The following DPF3 variants were observed in gnomAD, a reference collection of about 807,000 sequenced individuals.
DPF3 encodes the protein double PHD fingers 3, also known as zinc finger protein DPF3.
In DPF3, 18 loss-of-function variants were observed where a neutral mutation model predicts 56.8. That is an observed-to-expected ratio of 0.32 (90% confidence interval 0.22 to 0.47). DPF3 has a LOEUF of 0.47. DPF3 is among the 20% of genes least tolerant of loss of function. The pLI is 1.00. For missense variants in DPF3, 403 were observed against 488.8 expected (o/e 0.82, Z 1.65); for synonymous variants, 188 against 180.2 (o/e 1.04, Z -0.35).
At chr14:72,627,501 G>A (rs61996614) in intron 9 of DPF3, among the ~76,000 whole-genome samples, 29,887 of 151,856 alleles carry the variant, frequency 0.2, 3,251 homozygotes, top group African/African-American at 0.29. Flanking sequence ...TTCTATCTCA[G>A]CTGGTCTATT....
chr14:72,660,978 G>A, intron 8 of DPF3: 1 of 813,812 alleles, frequency 1.2e-6, no homozygotes, highest in Non-Finnish European at 1.5e-6. Context: ...CCTGCCGCAT[G>A]ACGGCGTGAA....
chr14:72,803,414 A>G (rs1417805362), intron 1 of DPF3, among the ~76,000 whole-genome samples: 1 of 152,258 alleles, frequency 6.6e-6, no homozygotes, highest in East Asian at 1.9e-4. Context: ...AGGGAGAAAC[A>G]AGAAACAGAT....
intron 1 of DPF3, among the ~76,000 whole-genome samples, chr14:72,883,665 C>T (rs1405232722): frequency 2.6e-5 from 4 of 152,288 alleles, no homozygotes; most frequent in Non-Finnish European, 2.9e-5. Flanking sequence ...TGGTGGCTTA[C>T]GCCTGTAATC....
intron 8 of DPF3, among the ~76,000 whole-genome samples, chr14:72,666,344 T>G (rs975603001): frequency 6.6e-6 from 1 of 152,202 alleles, no homozygotes; most frequent in Non-Finnish European, 1.5e-5. Flanking sequence ...TTTCTGTTGT[T>G]TCAGTTTTTT....
In DPF3 at chr14:72,744,276, C is replaced by T. The variant is rs1229708130; in HGVS notation, c.301+8988G>A. Among the ~76,000 whole-genome samples, 3 of 152,112 alleles carry T rather than the reference C, an allele frequency of 2.0e-5. No individual in the cohort carries two copies. The East Asian group carries it at 5.8e-4, about 29-fold the overall frequency. ...TGACTCGATGTCAGCCAAGACCCAG[C>T]TCCCCACTTTTTTTGAGCCAGGGCC... is the stretch of plus-strand genomic sequence containing the variant. On this transcript the variant is annotated intron_variant, in intron 3 of 10. Coordinates refer to ENST00000556509, the MANE Select transcript of DPF3 (RefSeq NM_001280542.3).
chr14:72,665,978 T>A (rs925748333), intron 8 of DPF3, among the ~76,000 whole-genome samples: 2 of 152,234 alleles, frequency 1.3e-5, no homozygotes. Context: ...TAATTGCCAA[T>A]GTTTTTTATC....
At chr14:72,646,493 C>T (rs1885729278) in intron 8 of DPF3, among the ~76,000 whole-genome samples, 1 of 152,186 alleles carries the variant, frequency 6.6e-6, no homozygotes. Flanking sequence ...GACAGGACTC[C>T]AAGGCTGGAA....
Position 72,666,471 on chromosome 14 carries a change from T to C in DPF3, c.871+7769A>G, listed in dbSNP as rs118173193. Among the ~76,000 whole-genome samples the C allele has an allele frequency of 7.0e-3, 1,067 of 152,344 alleles. 6 individuals are homozygous for C. Among genetic ancestry groups the C allele is most frequent in the Non-Finnish European group, 9.9e-3 (674 of 68,024 alleles). ...CAAAGATGATCTTTGGGGAAGTCAG[T>C]ATAGACTTAGGAAAGATTATTAGAA... On this transcript the variant is annotated intron_variant, in intron 8 of 10. Transcript: ENST00000556509.
At chr14:72,769,173 C>T (rs761873721) in intron 2 of DPF3, among the ~76,000 whole-genome samples, 5 of 152,090 alleles carry the variant, frequency 3.3e-5, no homozygotes, top group Non-Finnish European at 7.4e-5. Flanking sequence ...TAGTTCTAGT[C>T]ACTGATAAGG....
chr14:72,873,244 C>T (rs1467497188), intron 1 of DPF3, among the ~76,000 whole-genome samples: 2 of 151,720 alleles, frequency 1.3e-5, no homozygotes, highest in African/African-American at 4.8e-5. Context: ...CAAACAACCC[C>T]ATCAACAAGT....
At chr14:72,828,832 G>A (rs543746710) in intron 1 of DPF3, among the ~76,000 whole-genome samples, 1 of 152,308 alleles carries the variant, frequency 6.6e-6, no homozygotes, top group East Asian at 1.9e-4. Context: ...TTGTGTTTCA[G>A]CAAGATTACC....
chr14:72,686,833 G>A (rs992294789), intron 7 of DPF3, among the ~76,000 whole-genome samples: 1 of 152,230 alleles, frequency 6.6e-6, no homozygotes, highest in African/African-American at 2.4e-5. Flanking sequence ...GCAGTTGGCT[G>A]TGTAGGCTTT....
chr14:72,756,883 AG>A (rs1890835678), intron 2 of DPF3, among the ~76,000 whole-genome samples: 3 of 127,300 alleles, frequency 2.4e-5, no homozygotes, highest in South Asian at 5.3e-4. Context: ...GAAGGAAAGA[AG>A]GAAAGAAAGA....
At chr14:72,873,277 C>T (rs1258397120) in intron 1 of DPF3, among the ~76,000 whole-genome samples, 2 of 152,346 alleles carry the variant, frequency 1.3e-5, no homozygotes, top group African/African-American at 2.4e-5. Flanking sequence ...TAAACAGACA[C>T]TTCTCAAAAG....
intron 1 of DPF3, among the ~76,000 whole-genome samples, chr14:72,891,029 G>A (rs111347383): frequency 0.011 from 1,693 of 152,294 alleles, 29 homozygotes; most frequent in African/African-American, 0.039. Flanking sequence ...TAAGAGAGGA[G>A]ATGTGGCTTC....
intron 6 of DPF3, among the ~76,000 whole-genome samples, chr14:72,713,882 C>G (rs1458038725): frequency 6.6e-6 from 1 of 152,094 alleles, no homozygotes; most frequent in African/African-American, 2.4e-5. Context: ...GTTTCTGAAG[C>G]AAGCAAGAAA....
At chr14:72,668,560 C>A (rs1461478791) in intron 8 of DPF3, among the ~76,000 whole-genome samples, 1 of 152,166 alleles carries the variant, frequency 6.6e-6, no homozygotes, top group African/African-American at 2.4e-5. Context: ...TACCCATTCT[C>A]AGATAAACAT....
rs760543120 is a variant in DPF3 at position 72,622,184 on chromosome 14, C to T, written c.985-2200G>A. On this transcript the variant is annotated intron_variant, in intron 9 of 10. Coordinates refer to ENST00000556509, the MANE Select transcript of DPF3 (RefSeq NM_001280542.3). ...CATTTTTCTATGGAAAGAGTAAGTC[C>T]GTAGCTTTCATTGAATTCTCTGAAA... 6.1e-4 allele frequency among the ~76,000 whole-genome samples: 93 copies of T among 152,020 alleles called. 1 individual carries two copies. The Middle Eastern group carries it at 9.5e-3, about 16-fold the overall frequency.
At chr14:72,633,989 G>A (rs1263601866) in intron 8 of DPF3, among the ~76,000 whole-genome samples, 1 of 152,170 alleles carries the variant, frequency 6.6e-6, no homozygotes, top group Non-Finnish European at 1.5e-5. Context: ...GGCTTTCTCT[G>A]TGTTCCCATC....
Sources: gnomAD v4.1 joint callset for allele counts (sites outside exome capture counted in the v4.1 genomes callset) on GRCh38, gnomAD v4.1.1 for gene constraint, MANE v1.5 for transcripts, NCBI Gene and HGNC (gene_info 2026-07-23, HGNC 2026-07-21) for gene names.